Variants in CNIH3 observed in about 807,000 individuals in gnomAD.
The protein encoded by CNIH3 is protein cornichon homolog 3.
CNIH3 carries 14 observed loss-of-function variants against 24.1 expected under a neutral mutation model. The ratio of observed to expected loss-of-function variants is 0.58; its 90% CI spans 0.38 to 0.91. CNIH3 has a LOEUF of 0.91. CNIH3 is among the 40% of genes least tolerant of loss of function. The probability of loss-of-function intolerance (pLI) is 0.00; values close to 1 mark genes in which losing one functional copy is unlikely to be tolerated. For synonymous variants in CNIH3, 68 were observed against 73.8 expected (o/e 0.92, Z 0.40); for missense variants, 178 against 196.8 (o/e 0.90, Z 0.57).
At chr1:224,472,939 T>G (rs1004773513) in intron 1 of CNIH3, among the ~76,000 whole-genome samples, 1 of 152,134 alleles carries the variant, frequency 6.6e-6, no homozygotes, top group African/African-American at 2.4e-5. Context: ...AGGGCCAATT[T>G]TTCATAAGAA....
At chr1:224,462,897 CTTTTTTT>C (rs71572901) in intron 1 of CNIH3, among the ~76,000 whole-genome samples, 8 of 73,418 alleles carry the variant, frequency 1.1e-4, no homozygotes, top group Admixed American at 2.1e-4. Flanking sequence ...ATATGTTTAA[CTTTTTTT>C]TTTTTTTTTT....
chr1:224,598,900 T>C (rs1682096596), intron 3 of CNIH3, among the ~76,000 whole-genome samples: 1 of 152,210 alleles, frequency 6.6e-6, no homozygotes, highest in Non-Finnish European at 1.5e-5. Flanking sequence ...TGTGGTGGTC[T>C]GCAACCAATC....
intron 1 of CNIH3, among the ~76,000 whole-genome samples, chr1:224,510,850 T>G (rs1293756402): frequency 1.3e-5 from 2 of 152,126 alleles, no homozygotes; most frequent in Non-Finnish European, 2.9e-5. Flanking sequence ...GGTCTGATGG[T>G]AACAGGTTGT....
intron 1 of CNIH3, among the ~76,000 whole-genome samples, chr1:224,482,317 C>T (rs759492181): frequency 3.3e-5 from 5 of 152,028 alleles, no homozygotes; most frequent in South Asian, 2.1e-4. Context: ...GTTCTCTCCT[C>T]GTAGCGACCA....
chr1:224,554,434 A>G (rs935509827), intron 3 of CNIH3, among the ~76,000 whole-genome samples: 1 of 152,222 alleles, frequency 6.6e-6, no homozygotes, highest in Non-Finnish European at 1.5e-5. Context: ...TCACATCTAC[A>G]GATTCAACCC....
chr1:224,447,250 T>A (rs1158289762), intron 1 of CNIH3, among the ~76,000 whole-genome samples: 1 of 152,094 alleles, frequency 6.6e-6, no homozygotes, highest in Non-Finnish European at 1.5e-5. Context: ...GATGGTGTAC[T>A]TCTCAAACTG....
intron 3 of CNIH3, among the ~76,000 whole-genome samples, chr1:224,688,207 T>G (rs1271933913): frequency 1.3e-5 from 2 of 152,236 alleles, no homozygotes; most frequent in African/African-American, 4.8e-5. Flanking sequence ...CAATTTTGTT[T>G]TATTAAGTTT....
At chr1:224,485,792 A>T (rs1167265529) in intron 1 of CNIH3, among the ~76,000 whole-genome samples, 1 of 152,150 alleles carries the variant, frequency 6.6e-6, no homozygotes, top group Non-Finnish European at 1.5e-5. Context: ...AACTTTAATT[A>T]TGGAAAATTT....
chr1:224,548,761 G>T (rs139540851), intron 3 of CNIH3, among the ~76,000 whole-genome samples: 26 of 149,016 alleles, frequency 1.7e-4, no homozygotes, highest in Admixed American at 1.7e-3. Context: ...TATCACAGGG[G>T]GTGTACACCC....
chr1:224,681,423 G>C (rs1170307627), intron 2 of CNIH3, among the ~76,000 whole-genome samples: 1 of 152,222 alleles, frequency 6.6e-6, no homozygotes, highest in Admixed American at 6.5e-5. Flanking sequence ...ACCAAGTGGA[G>C]ACGTGGAGGG....
chr1:224,564,137 C>T (rs1240397134), intron 3 of CNIH3, among the ~76,000 whole-genome samples: 3 of 152,196 alleles, frequency 2.0e-5, no homozygotes, highest in African/African-American at 7.2e-5. Context: ...ATAGTCCATA[C>T]CTGTGCTTCT....
chr1:224,549,382 A>T (rs908295470), intron 3 of CNIH3, among the ~76,000 whole-genome samples: 3 of 152,028 alleles, frequency 2.0e-5, no homozygotes, highest in African/African-American at 7.2e-5. Context: ...CATTAATATG[A>T]TATTTCATTA....
intron 3 of CNIH3, among the ~76,000 whole-genome samples, chr1:224,725,954 G>A (rs1420612253): frequency 6.6e-6 from 1 of 152,174 alleles, no homozygotes. Flanking sequence ...TCTATAAAGG[G>A]TACCAATCAG....
intron 3 of CNIH3, among the ~76,000 whole-genome samples, chr1:224,709,660 A>C (rs1322040768): frequency 6.6e-6 from 1 of 152,214 alleles, no homozygotes; most frequent in Non-Finnish European, 1.5e-5. Context: ...CAAGTCCAGG[A>C]GCAAGAGAAG....
At chr1:224,693,933 C>T (rs753495045) in intron 3 of CNIH3, among the ~76,000 whole-genome samples, 1 of 152,244 alleles carries the variant, frequency 6.6e-6, no homozygotes, top group Non-Finnish European at 1.5e-5. Context: ...AGGGTCTAGT[C>T]ATCTGTATTT....
intron 1 of CNIH3, among the ~76,000 whole-genome samples, chr1:224,636,922 TATC>T (rs900136265): frequency 6.6e-6 from 1 of 152,110 alleles, no homozygotes; most frequent in Admixed American, 6.6e-5. Flanking sequence ...ATTATCTGTC[TATC>T]ATCTATCTGT....
intron 1 of CNIH3, among the ~76,000 whole-genome samples, chr1:224,508,637 A>G (rs140375081): frequency 1.3e-5 from 2 of 152,254 alleles, no homozygotes; most frequent in African/African-American, 4.8e-5. Flanking sequence ...TGATAAAATT[A>G]CTCTCCTCAT....
intron 1 of CNIH3, among the ~76,000 whole-genome samples, chr1:224,622,005 C>T (rs184974535): frequency 1.3e-5 from 2 of 152,312 alleles, no homozygotes; most frequent in Non-Finnish European, 2.9e-5. Flanking sequence ...TCTTGCTTGC[C>T]GCCATGTAAG....
chr1:224,478,257 A>T (rs1429007278), intron 1 of CNIH3, among the ~76,000 whole-genome samples: 1 of 152,026 alleles, frequency 6.6e-6, no homozygotes, highest in Admixed American at 6.6e-5. Context: ...TTCTACCCCC[A>T]TCTCTTTTTC....
Sources: gnomAD v4.1 joint callset for allele counts (sites outside exome capture counted in the v4.1 genomes callset) on GRCh38, gnomAD v4.1.1 for gene constraint, MANE v1.5 for transcripts, NCBI Gene and HGNC (gene_info 2026-07-23, HGNC 2026-07-21) for gene names.